The following GBF1 variants were observed in gnomAD, a reference collection of about 807,000 sequenced individuals.
GBF1 encodes golgi brefeldin A resistant guanine nucleotide exchange factor 1.
GBF1 carries 114 observed loss-of-function variants against 210.5 expected under a neutral mutation model. That is an observed-to-expected ratio of 0.54 (90% CI 0.47 to 0.63). GBF1 has a LOEUF of 0.63. GBF1 is among the 30% of genes least tolerant of loss of function. The probability of loss-of-function intolerance (pLI) is 0.00; values close to 1 mark genes in which losing one functional copy is unlikely to be tolerated. For missense variants in GBF1, 1,851 were observed against 2,357.7 expected (o/e 0.79, Z 4.45); for synonymous variants, 850 against 889.2 (o/e 0.96, Z 0.78).
intron 3 of GBF1, among the ~76,000 whole-genome samples, chr10:102,270,060 A>C (rs1278251117): frequency 6.7e-6 from 1 of 150,254 alleles, no homozygotes; most frequent in Admixed American, 6.6e-5. Flanking sequence ...TTGTATTTTT[A>C]GTAGAGATGG....
rs1322934716 is a variant in GBF1, at chr10:102,287,352, T to A, written c.163+27236T>A. On this transcript the variant is annotated intron_variant, in intron 3 of 39. Transcript: ENST00000369983. ...TTCTTTTATTTTATTTTCTTTTTTTTTTTTTTTTTTTTTTTTTTTGAGATG... is the reference window on the plus strand; with the variant it reads ...TTCTTTTATTTTATTTTCTTTTTTTATTTTTTTTTTTTTTTTTTTGAGATG... Among the ~76,000 whole-genome samples, 75 of 69,244 alleles carry A rather than the reference T, an allele frequency of 1.1e-3. 1 individual carries two copies. The highest frequency in any genetic ancestry group is 1.8e-3 in the Non-Finnish European group (46 of 25,110). 45.4% of individuals were successfully genotyped at this position (69,244 alleles called of 152,430 possible).
chr10:102,366,115 T>C lies in GBF1; in HGVS notation c.2310-268T>C, dbSNP rs2059899811. Among the ~76,000 whole-genome samples, 1 of 152,150 alleles carries C rather than the reference T, an allele frequency of 6.6e-6. No individual in the cohort carries two copies. The highest frequency in any genetic ancestry group is 2.4e-5 in the African/African-American group (1 of 41,442). On this transcript the variant is annotated intron_variant, in intron 18 of 39. Coordinates refer to ENST00000369983, the MANE Select transcript of GBF1 (RefSeq NM_001377137.1). The surrounding 1 kb of genome is among the most constrained non-coding windows in gnomAD (Gnocchi z 4.0). ...CTGAAAGGGACTCCAACGAGATAGT[T>C]TGGGGAGCCCCCTCCATTCTGCATG...
At chr10:102,303,333 T>C (rs760865409) in intron 3 of GBF1, among the ~76,000 whole-genome samples, 41 of 152,208 alleles carry the variant, frequency 2.7e-4, no homozygotes, top group Middle Eastern at 3.2e-3. Flanking sequence ...TTCATTGTTT[T>C]ACATGTGGGT....
At chr10:102,276,543 AAAT>A (rs1489163704) in intron 3 of GBF1, among the ~76,000 whole-genome samples, 15 of 151,390 alleles carry the variant, frequency 9.9e-5, no homozygotes, top group African/African-American at 3.7e-4. Context: ...AAAAAAAAAA[AAAT>A]GTTTCTGTTG....
intron 3 of GBF1, among the ~76,000 whole-genome samples, chr10:102,288,096 G>A (rs980660686): frequency 4.6e-5 from 7 of 152,064 alleles, no homozygotes; most frequent in South Asian, 2.1e-4. Flanking sequence ...AAAACTTTCC[G>A]TTTTTCTAAA....
chr10:102,329,184 C>T (rs190480573), intron 3 of GBF1, among the ~76,000 whole-genome samples: 188 of 152,252 alleles, frequency 1.2e-3, no homozygotes, highest in Non-Finnish European at 2.2e-3. Context: ...AAGGTTGATA[C>T]GCATCAAACT....
chr10:102,345,080 G>A (rs1479985461), intron 4 of GBF1, among the ~76,000 whole-genome samples: 7 of 151,984 alleles, frequency 4.6e-5, no homozygotes, highest in African/African-American at 1.7e-4. Context: ...TCAGGAGTTT[G>A]AGACCAGCCT....
chr10:102,281,748 A>C (rs1272836733), intron 3 of GBF1, among the ~76,000 whole-genome samples: 1 of 151,752 alleles, frequency 6.6e-6, no homozygotes, highest in African/African-American at 2.4e-5. Context: ...ACAAATATTG[A>C]TTCATCATTA....
At chr10:102,316,236 G>A (rs1265942021) in intron 3 of GBF1, among the ~76,000 whole-genome samples, 1 of 151,930 alleles carries the variant, frequency 6.6e-6, no homozygotes, top group Non-Finnish European at 1.5e-5. Flanking sequence ...ACAAGCGTGT[G>A]CCACCACACC....
Position 102,363,890 on chromosome 10 carries a change from C to T in GBF1, c.2106+92C>T. The stretch of plus-strand genomic sequence containing the variant: ...TCTCAGAAGATGAAGGAGAGTCTAG[C>T]ACCTCATTGTACAGCTTCCTGAGGC... On this transcript the variant is annotated intron_variant, in intron 17 of 39. Transcript: ENST00000369983. This position sits in a 1 kb window ranked among gnomAD's most constrained non-coding sequence, Gnocchi z 4.2. 4 of 786,504 alleles carry T rather than the reference C, an allele frequency of 5.1e-6. No individual in the cohort carries two copies. The highest frequency in any genetic ancestry group is 6.5e-6 in the Non-Finnish European group (3 of 460,124). The allele number at this position is 786,504 out of a possible 1,614,324, so 48.7% of individuals were successfully genotyped here.
chr10:102,254,052 C>T (rs1436887035), intron 1 of GBF1, among the ~76,000 whole-genome samples: 1 of 152,068 alleles, frequency 6.6e-6, no homozygotes, highest in Non-Finnish European at 1.5e-5. Flanking sequence ...GGATATTACT[C>T]CTTTATATTA....
chr10:102,358,537 C>A lies in GBF1; in HGVS notation c.819C>A (p.Pro273=). 1 of 1,613,844 alleles carries A rather than the reference C, an allele frequency of 6.2e-7. No individual in the cohort carries two copies. The highest frequency in any genetic ancestry group is 1.1e-5 in the South Asian group (1 of 91,074). The change falls in exon 10 of 40, where the codon CCC becomes CCA. Residue 273 remains proline (P), a synonymous_variant. Transcript: ENST00000369983. ...TGCCCTTCATTGATGTGCCCACTCC[C>A]ATCTCCTCTGCAAGTTCAGAAGCTG... is the stretch of plus-strand genomic sequence containing the variant. The part of the protein sequence containing the change: ...GGMPFIDVPT[P]ISSASSEAAS...
chr10:102,263,010 A>C (rs1034117119), intron 3 of GBF1, among the ~76,000 whole-genome samples: 1 of 152,176 alleles, frequency 6.6e-6, no homozygotes, highest in Admixed American at 6.5e-5. Flanking sequence ...GTGCCTGCCA[A>C]GGTTGCTACA....
chr10:102,345,066 G>A (rs564387592), intron 4 of GBF1, among the ~76,000 whole-genome samples: 171 of 152,046 alleles, frequency 1.1e-3, no homozygotes, highest in Middle Eastern at 6.8e-3. Context: ...GGTGGATCAC[G>A]AGGTCAGGAG....
the GBF1 span, among the ~76,000 whole-genome samples, chr10:102,234,630 TCCCCTTACTTCATA>T: frequency 2.0e-4 from 31 of 152,116 alleles, no homozygotes; most frequent in Admixed American, 1.5e-3. Context: ...CTCTGAAGTC[TCCCCTTACTTCATA>T]CCCCTTACTT....
rs141898192 is a variant in GBF1, at chr10:102,286,725, A to G, written c.163+26609A>G. Among the ~76,000 whole-genome samples the G allele has an allele frequency of 1.6e-3, 244 of 152,318 alleles. 1 individual carries two copies. Among genetic ancestry groups the G allele is most frequent in the African/African-American group, 5.4e-3 (226 of 41,566 alleles). On this transcript the variant is annotated intron_variant, in intron 3 of 39. Transcript: ENST00000369983. ...ATACAAATATCGGAATTCAGTGAGC[A>G]TCAGTTATTCCAGCATTTAGAGGTA...
chr10:102,326,148 G>T (rs1015282331), intron 3 of GBF1, among the ~76,000 whole-genome samples: 3 of 152,092 alleles, frequency 2.0e-5, no homozygotes, highest in African/African-American at 4.8e-5. Context: ...TAATTTTTTT[G>T]AACGCTATCT....
chr10:102,370,099 T>C, intron 26 of GBF1, 75 bp from the exon 27 acceptor site: 2 of 1,483,826 alleles, frequency 1.3e-6, no homozygotes, highest in Non-Finnish European at 1.9e-6. Flanking sequence ...CTCTGCCCTC[T>C]CCCCCTGGCT....
At chr10:102,329,407 GAGA>G (rs1157466747) in intron 3 of GBF1, among the ~76,000 whole-genome samples, 2 of 152,194 alleles carry the variant, frequency 1.3e-5, no homozygotes, top group Non-Finnish European at 2.9e-5. Context: ...CACTGGTTAG[GAGA>G]AGGAGAGGTG....
Sources: gnomAD v4.1 joint callset for allele counts (sites outside exome capture counted in the v4.1 genomes callset) on GRCh38, gnomAD v4.1.1 for gene constraint, Gnocchi (gnomAD v3.1) non-coding constraint, MANE v1.5 for transcripts, NCBI Gene and HGNC (gene_info 2026-07-23, HGNC 2026-07-21) for gene names.